CTNNA3: variants seen among roughly 807,000 people sequenced by gnomAD.
The protein encoded by CTNNA3 is catenin alpha-3.
Under a neutral mutation model 95.7 loss-of-function variants are expected in CTNNA3, and 76 were observed. The ratio of observed to expected loss-of-function variants is 0.79; its 90% confidence interval spans 0.66 to 0.96. The LOEUF is 0.96. Among genes scored for constraint, CTNNA3 ranks in the 40% least tolerant of loss-of-function variants. CTNNA3 has a pLI of 0.00. For missense variants in CTNNA3, 1,191 were observed against 1,089.8 expected (o/e 1.09, Z -1.31); for synonymous variants, 431 against 374.4 (o/e 1.15, Z -1.74).
At chr10:66,774,920 C>T (rs1183600415) in intron 8 of CTNNA3, among the ~76,000 whole-genome samples, 1 of 151,958 alleles carries the variant, frequency 6.6e-6, no homozygotes, top group East Asian at 1.9e-4. Flanking sequence ...TTAACTTTTA[C>T]AAAAACTAAT....
chr10:66,013,734 G>A (rs1342229648), intron 15 of CTNNA3, among the ~76,000 whole-genome samples: 2 of 152,080 alleles, frequency 1.3e-5, no homozygotes, highest in Admixed American at 6.6e-5. Flanking sequence ...CAAAAAATAC[G>A]ACCAAGTTTT....
chr10:67,053,029 T>C (rs1235807651), intron 7 of CTNNA3, among the ~76,000 whole-genome samples: 1 of 152,200 alleles, frequency 6.6e-6, no homozygotes, highest in African/African-American at 2.4e-5. Flanking sequence ...AGAGCAGGTA[T>C]AGAAATTTAG....
intron 13 of CTNNA3, among the ~76,000 whole-genome samples, chr10:66,214,591 T>C (rs1280820331): frequency 6.6e-6 from 1 of 152,088 alleles, no homozygotes; most frequent in African/African-American, 2.4e-5. Context: ...TCTGATTTTC[T>C]ACATAAGGCT....
intron 13 of CTNNA3, among the ~76,000 whole-genome samples, chr10:66,231,017 C>T (rs949665855): frequency 6.6e-6 from 1 of 152,096 alleles, no homozygotes; most frequent in Admixed American, 6.5e-5. Flanking sequence ...GGTGGCTCTT[C>T]TCTAAAAATG....
At chr10:66,730,644 C>T (rs1018135872) in intron 9 of CTNNA3, among the ~76,000 whole-genome samples, 2 of 152,154 alleles carry the variant, frequency 1.3e-5, no homozygotes, top group Non-Finnish European at 2.9e-5. Flanking sequence ...TTTTCACATT[C>T]CCCTGATCTC....
At position 66,497,457 on chromosome 10, in the gene CTNNA3, AGATAAATATAATGAAAAAGATAG is replaced by A. The variant is rs565331365; in HGVS notation, c.1531+23137_1531+23159del. Reference sequence around the variant, plus strand: ...TCTAGGATGAGATTTCAGCATATTGAGATAAATATAATGAAAAAGATAGGAAACAACAAATTAAAAGAAAACAC... The same window carrying A: ...TCTAGGATGAGATTTCAGCATATTGAGAAACAACAAATTAAAAGAAAACAC... On this transcript the variant is annotated intron_variant, in intron 11 of 17. Coordinates refer to ENST00000433211, the MANE Select transcript of CTNNA3 (RefSeq NM_013266.4). Among the ~76,000 whole-genome samples, 74 of 152,100 alleles carry A rather than the reference AGATAAATATAATGAAAAAGATAG, an allele frequency of 4.9e-4. 1 individual carries two copies. In the South Asian group the frequency reaches 0.014, roughly 29 times the overall value.
chr10:67,162,535 G>A (rs1255390494), intron 7 of CTNNA3, among the ~76,000 whole-genome samples: 1 of 151,790 alleles, frequency 6.6e-6, no homozygotes, highest in Non-Finnish European at 1.5e-5. Flanking sequence ...CTGGGCTTGA[G>A]TTTTTAAAAA....
intron 13 of CTNNA3, among the ~76,000 whole-genome samples, chr10:66,207,301 T>C (rs1318208981): frequency 6.6e-6 from 1 of 151,962 alleles, no homozygotes; most frequent in Non-Finnish European, 1.5e-5. Context: ...TTATCTATCA[T>C]ATTTTATAAA....
intron 11 of CTNNA3, among the ~76,000 whole-genome samples, chr10:66,410,051 G>A (rs751482044): frequency 3.3e-5 from 5 of 152,200 alleles, no homozygotes; most frequent in Non-Finnish European, 2.9e-5. Context: ...CTAAAAGCAA[G>A]CAATAAACAT....
At chr10:66,420,208 A>G (rs77426925) in intron 11 of CTNNA3, among the ~76,000 whole-genome samples, 2,861 of 152,286 alleles carry the variant, frequency 0.019, 62 homozygotes, top group Admixed American at 0.042. Context: ...ATTAAGTAAG[A>G]AGTAGGCACA....
intron 12 of CTNNA3, among the ~76,000 whole-genome samples, chr10:66,358,963 G>A (rs186507427): frequency 3.3e-5 from 5 of 152,080 alleles, no homozygotes; most frequent in Admixed American, 3.3e-4. Context: ...TTCCTGCCTT[G>A]TTTTATAAAA....
At chr10:66,521,544 G>A (rs1841069386) in intron 10 of CTNNA3, among the ~76,000 whole-genome samples, 1 of 152,116 alleles carries the variant, frequency 6.6e-6, no homozygotes, top group East Asian at 1.9e-4. Context: ...TTTCAGGAGA[G>A]AAATGAGCAG....
chr10:67,054,435 G>C (rs1462364302), intron 7 of CTNNA3, among the ~76,000 whole-genome samples: 3 of 152,126 alleles, frequency 2.0e-5, no homozygotes, highest in African/African-American at 7.2e-5. Context: ...AAGTCAATCT[G>C]AGCTTCTTCA....
chr10:66,732,764 G>A lies in CTNNA3; in HGVS notation c.1281+33500C>T, dbSNP rs1363534777. On this transcript the variant is annotated intron_variant, in intron 9 of 17. Transcript: ENST00000433211. The stretch of plus-strand genomic sequence containing the variant: ...AAGATGGGATTTGGGTGGGGACACA[G>A]CCAAACATTATCCCCTAAACAAAGT... Among the ~76,000 whole-genome samples the A allele has an allele frequency of 3.3e-5, 5 of 151,408 alleles. No individual in the cohort carries two copies. The East Asian group carries it at 5.8e-4, about 18-fold the overall frequency.
chr10:67,053,535 A>G (rs1291270850), intron 7 of CTNNA3, among the ~76,000 whole-genome samples: 1 of 152,198 alleles, frequency 6.6e-6, no homozygotes, highest in Non-Finnish European at 1.5e-5. Flanking sequence ...TAGAGTTAGC[A>G]TTAAAAATAG....
At chr10:67,600,872 A>G (rs1843062626) in intron 3 of CTNNA3, among the ~76,000 whole-genome samples, 1 of 152,236 alleles carries the variant, frequency 6.6e-6, no homozygotes, top group Non-Finnish European at 1.5e-5. Flanking sequence ...ATGAACTACT[A>G]CATGGTGAGC....
At chr10:66,230,702 C>T (rs1262040963) in intron 13 of CTNNA3, among the ~76,000 whole-genome samples, 1 of 152,028 alleles carries the variant, frequency 6.6e-6, no homozygotes, top group Non-Finnish European at 1.5e-5. Flanking sequence ...GTGATGGCCC[C>T]ATTTTGGATG....
At chr10:67,160,815 G>A (rs1382496970) in intron 7 of CTNNA3, among the ~76,000 whole-genome samples, 2 of 152,154 alleles carry the variant, frequency 1.3e-5, no homozygotes, top group Non-Finnish European at 2.9e-5. Context: ...TAAAAAATAT[G>A]TGGTATATAC....
chr10:67,629,942 C>G (rs1839085946), intron 2 of CTNNA3, among the ~76,000 whole-genome samples: 1 of 152,098 alleles, frequency 6.6e-6, no homozygotes, highest in Non-Finnish European at 1.5e-5. Flanking sequence ...ACCCTAGGTA[C>G]TAACTGCTTA....
Sources: allele counts gnomAD v4.1 joint callset (sites outside exome capture counted in the v4.1 genomes callset), GRCh38; gene constraint gnomAD v4.1.1; transcripts MANE v1.5; gene names NCBI Gene and HGNC (gene_info 2026-07-23, HGNC 2026-07-21).